The following MYRIP variants were observed in gnomAD, a reference collection of about 807,000 sequenced individuals.
MYRIP encodes rab effector MyRIP.
MYRIP carries 49 observed loss-of-function variants against 98.0 expected under a neutral mutation model. That is an observed-to-expected ratio of 0.50 (90% CI 0.40 to 0.63). The LOEUF (loss-of-function observed/expected upper bound fraction) is 0.63. MYRIP is among the 30% of genes least tolerant of loss of function. The probability of loss-of-function intolerance (pLI) is 0.00; values close to 1 mark genes in which losing one functional copy is unlikely to be tolerated. For missense variants in MYRIP, 1,004 were observed against 1,058.2 expected, an observed-to-expected ratio of 0.95 and a Z score of 0.71; for synonymous variants, 404 against 409.5, an observed-to-expected ratio of 0.99 and a Z score of 0.16.
At chr3:39,817,641 G>A (rs1021907541) in intron 1 of MYRIP, among the ~76,000 whole-genome samples, 1 of 152,026 alleles carries the variant, frequency 6.6e-6, no homozygotes, top group Non-Finnish European at 1.5e-5. Flanking sequence ...TGGAATGTGT[G>A]ACATTCCTTT....
chr3:40,068,170 C>A (rs9868552), intron 3 of MYRIP, among the ~76,000 whole-genome samples: 44,053 of 152,132 alleles, frequency 0.29, 6,457 homozygotes, highest in East Asian at 0.36. Flanking sequence ...AAGTAGCAGT[C>A]TTGGTTCAAA....
chr3:40,187,905 AC>A (rs1223632205), intron 9 of MYRIP, among the ~76,000 whole-genome samples: 1 of 152,178 alleles, frequency 6.6e-6, no homozygotes, highest in Non-Finnish European at 1.5e-5. Flanking sequence ...TTGTAGAGTC[AC>A]TAGGGCTTTA....
intron 11 of MYRIP, among the ~76,000 whole-genome samples, chr3:40,222,689 A>T (rs1247994057): frequency 6.6e-6 from 1 of 152,146 alleles, no homozygotes; most frequent in Non-Finnish European, 1.5e-5. Flanking sequence ...AAATGCAAAG[A>T]AAACAATGTG....
At chr3:40,044,572 T>C (rs1341465081) in intron 3 of MYRIP, among the ~76,000 whole-genome samples, 2 of 152,196 alleles carry the variant, frequency 1.3e-5, no homozygotes, top group Non-Finnish European at 2.9e-5. Context: ...TCTCATCCTT[T>C]CGTTCGTTCA....
chr3:40,212,938 TA>T (rs796630305), intron 11 of MYRIP, among the ~76,000 whole-genome samples: 47 of 152,024 alleles, frequency 3.1e-4, no homozygotes, highest in African/African-American at 1.1e-3. Flanking sequence ...AATATATAAA[TA>T]AAAGGAAAAA....
rs376871030 is a variant in MYRIP at position 40,204,237 on chromosome 3, T to TATA, written c.1666-5617_1666-5616insATA. 5.3e-3 allele frequency among the ~76,000 whole-genome samples: 337 copies of TATA among 63,560 alleles called. 39 individuals carry two copies. The highest frequency in any genetic ancestry group is 4.4e-3 in the Non-Finnish European group (169 of 38,312). 41.7% of individuals were successfully genotyped at this position (63,560 alleles called of 152,430 possible). A position where few individuals can be genotyped will look rare whatever the true frequency, so the allele number is the denominator to read the frequency against. On this transcript the variant is annotated intron_variant, in intron 10 of 16. Transcript: ENST00000302541. ...ATATTATATATAAATATATATATATTTTTTTTTTTTGAGACAGAGTCTCAC... is the reference window on the plus strand; with the variant it reads ...ATATTATATATAAATATATATATATTATATTTTTTTTTTGAGACAGAGTCTCAC...
At chr3:39,875,953 C>T (rs1942980146) in intron 1 of MYRIP, among the ~76,000 whole-genome samples, 1 of 151,898 alleles carries the variant, frequency 6.6e-6, no homozygotes, top group Admixed American at 6.5e-5. Context: ...TTAATGTCTC[C>T]CATTATTATT....
chr3:40,006,416 C>A lies in MYRIP; in HGVS notation c.111-37634C>A, dbSNP rs1345173469. 2.0e-5 allele frequency among the ~76,000 whole-genome samples: 3 copies of A among 151,906 alleles called. No individual in the cohort carries two copies. In the East Asian group the frequency reaches 5.8e-4, roughly 29 times the overall value. ...AAAAAAAGGAGGCTGCTGTGGTGGT[C>A]CCCAGGGCAGTGAGGTAGTGTTGAA... On this transcript the variant is annotated intron_variant, in intron 2 of 16. Coordinates refer to ENST00000302541, the MANE Select transcript of MYRIP (RefSeq NM_015460.4).
At chr3:40,191,558 C>A (rs1450730634) in intron 10 of MYRIP, among the ~76,000 whole-genome samples, 1 of 152,182 alleles carries the variant, frequency 6.6e-6, no homozygotes, top group Non-Finnish European at 1.5e-5. Context: ...TCTATGAATG[C>A]CTCAGCCACA....
intron 1 of MYRIP, among the ~76,000 whole-genome samples, chr3:39,852,282 A>G (rs889709861): frequency 2.0e-5 from 3 of 152,166 alleles, no homozygotes; most frequent in Non-Finnish European, 4.4e-5. Flanking sequence ...GGAGACTAGT[A>G]ACAACTTGAT....
chr3:39,939,392 G>A (rs1241929930), intron 2 of MYRIP, among the ~76,000 whole-genome samples: 1 of 152,074 alleles, frequency 6.6e-6, no homozygotes, highest in Non-Finnish European at 1.5e-5. Context: ...TGAAGACTAT[G>A]TAGCTACATG....
chr3:39,853,943 G>A (rs1158629731), intron 1 of MYRIP, among the ~76,000 whole-genome samples: 1 of 152,124 alleles, frequency 6.6e-6, no homozygotes, highest in East Asian at 1.9e-4. Context: ...AGAGATAGAT[G>A]AGGACCCAGT....
chr3:39,886,157 C>G (rs1404243691), intron 1 of MYRIP, among the ~76,000 whole-genome samples: 1 of 151,642 alleles, frequency 6.6e-6, no homozygotes, highest in East Asian at 1.9e-4. Context: ...TTGTCACCAC[C>G]AGGCCTGCCC....
chr3:39,983,022 A>C (rs1945933125), intron 2 of MYRIP, among the ~76,000 whole-genome samples: 1 of 152,248 alleles, frequency 6.6e-6, no homozygotes, highest in Non-Finnish European at 1.5e-5. Context: ...GATTATAATT[A>C]TTTAAAATCT....
At position 39,954,095 on chromosome 3, in the gene MYRIP, A is replaced by G. The variant is rs890687598; in HGVS notation, c.110+53169A>G. Among the ~76,000 whole-genome samples, 6 of 152,258 alleles carry G rather than the reference A, an allele frequency of 3.9e-5. No individual in the cohort carries two copies. The East Asian group carries it at 1.2e-3, about 30-fold the overall frequency. Reference sequence around the variant, plus strand: ...TCCACCTCTGGGGCAGGGCATAGCTAAACAAAAGGCAGCAGAAATTTCTGC... The same window carrying G: ...TCCACCTCTGGGGCAGGGCATAGCTGAACAAAAGGCAGCAGAAATTTCTGC... On this transcript the variant is annotated intron_variant, in intron 2 of 16. Transcript: ENST00000302541.
At position 39,880,934 on chromosome 3, in the gene MYRIP, A is replaced by T. The variant is rs146139054; in HGVS notation, c.-30-19853A>T. On this transcript the variant is annotated intron_variant, in intron 1 of 16. Coordinates refer to ENST00000302541, the MANE Select transcript of MYRIP (RefSeq NM_015460.4). ...TTTTAAAAATAATTTATTCTTCTCA[A>T]TCCTCTCTGTTGTCTCTTTCTATAT... 7.2e-4 allele frequency among the ~76,000 whole-genome samples: 110 copies of T among 151,916 alleles called. 1 individual carries two copies. In the East Asian group the frequency reaches 0.018, roughly 25 times the overall value.
chr3:40,188,732 G>A (rs1005343973), intron 9 of MYRIP, among the ~76,000 whole-genome samples: 9 of 151,952 alleles, frequency 5.9e-5, no homozygotes, highest in South Asian at 2.1e-4. Flanking sequence ...AGTCGAGATC[G>A]TGCCATTGCA....
At chr3:40,138,141 G>T (rs553373648) in intron 3 of MYRIP, among the ~76,000 whole-genome samples, 1 of 152,364 alleles carries the variant, frequency 6.6e-6, no homozygotes, top group South Asian at 2.1e-4. Context: ...GCCAAGAAAT[G>T]ATGCTGTTGC....
At chr3:40,188,639 T>C (rs952587589) in intron 9 of MYRIP, among the ~76,000 whole-genome samples, 2 of 152,138 alleles carry the variant, frequency 1.3e-5, no homozygotes, top group African/African-American at 4.8e-5. Flanking sequence ...TAGCCAGGTG[T>C]GGTGGTGTGC....
Sources: allele counts gnomAD v4.1 joint callset (sites outside exome capture counted in the v4.1 genomes callset), GRCh38; gene constraint gnomAD v4.1.1; transcripts MANE v1.5; gene names NCBI Gene and HGNC (gene_info 2026-07-23, HGNC 2026-07-21).